Variants in RAB8B observed in about 807,000 individuals in gnomAD.
RAB8B encodes ras-related protein Rab-8B.
A neutral mutation model predicts 32.0 loss-of-function variants in RAB8B; 11 were observed. The ratio of observed to expected loss-of-function variants is 0.34; its 90% CI spans 0.22 to 0.57. The LOEUF (loss-of-function observed/expected upper bound fraction) is 0.57. Among genes scored for constraint, RAB8B ranks in the 20% least tolerant of loss-of-function variants. RAB8B has a pLI of 0.86. For missense variants in RAB8B, 190 were observed against 258.5 expected, an observed-to-expected ratio of 0.73 and a Z score of 1.82; for synonymous variants, 103 against 89.6, an observed-to-expected ratio of 1.15 and a Z score of -0.85.
chr15:63,214,931 A>C (rs1222772798), intron 1 of RAB8B, among the ~76,000 whole-genome samples: 1 of 152,226 alleles, frequency 6.6e-6, no homozygotes, highest in African/African-American at 2.4e-5. Context: ...TGAGTAGGGC[A>C]TCTACAGCTC....
chr15:63,190,325 C>G (rs1274868742), intron 1 of RAB8B, among the ~76,000 whole-genome samples: 7 of 151,870 alleles, frequency 4.6e-5, no homozygotes, highest in South Asian at 2.1e-4. Context: ...GAGGTCTGGA[C>G]TGAGATGTCG....
At chr15:63,238,827 G>T (rs2038006546) in intron 1 of RAB8B, among the ~76,000 whole-genome samples, 1 of 152,150 alleles carries the variant, frequency 6.6e-6, no homozygotes, top group East Asian at 1.9e-4. Flanking sequence ...AATTCCCCGT[G>T]GCAGTGATTA....
In RAB8B at chr15:63,265,890, A is replaced by G. The variant is rs2038242442; in HGVS notation, c.*2271A>G. On this transcript the variant is annotated 3_prime_UTR_variant, in exon 8 of 8. Transcript: ENST00000321437. This position sits in a 1 kb window ranked among gnomAD's most constrained non-coding sequence, Gnocchi z 4.9. Reference sequence around the variant, plus strand: ...GTCTAAAAGTGCTCTTTGAAGTAGCAGCAAATTGGGAGTATATGCTCTGTT... The same window carrying G: ...GTCTAAAAGTGCTCTTTGAAGTAGCGGCAAATTGGGAGTATATGCTCTGTT... The G allele has an allele frequency of 6.6e-6, 1 of 152,566 alleles. No individual in the cohort carries two copies. The allele number at this position is 152,566 out of a possible 1,614,324, so 9.5% of individuals were successfully genotyped here. A position where few individuals can be genotyped will look rare whatever the true frequency, so the allele number is the denominator to read the frequency against.
At chr15:63,222,495 A>G (rs1277361637) in intron 1 of RAB8B, among the ~76,000 whole-genome samples, 3 of 152,186 alleles carry the variant, frequency 2.0e-5, no homozygotes, top group Admixed American at 6.5e-5. Context: ...TGGATCATAT[A>G]TAGGATGGTT....
At chr15:63,221,768 G>A (rs965998771) in intron 1 of RAB8B, among the ~76,000 whole-genome samples, 7 of 152,084 alleles carry the variant, frequency 4.6e-5, no homozygotes, top group African/African-American at 1.7e-4. Flanking sequence ...AATTAATAGT[G>A]GAAATGTCTT....
At chr15:63,237,844 T>C (rs1485579019) in intron 1 of RAB8B, among the ~76,000 whole-genome samples, 1 of 152,216 alleles carries the variant, frequency 6.6e-6, no homozygotes, top group Non-Finnish European at 1.5e-5. Flanking sequence ...CAATGTTTTC[T>C]TTTAGTAGTT....
chr15:63,189,894 C>A, intron 1 of RAB8B, 146 bp downstream of exon 1: 1 of 894,104 alleles, frequency 1.1e-6, no homozygotes. Context: ...GGGGCGAGGG[C>A]GTGAGGGAGA....
At chr15:63,196,950 A>C (rs2037605468) in intron 1 of RAB8B, among the ~76,000 whole-genome samples, 1 of 152,204 alleles carries the variant, frequency 6.6e-6, no homozygotes. Flanking sequence ...CTGGGTTTGC[A>C]TTATAAGAGC....
At chr15:63,246,086 T>C (rs1348647003) in intron 2 of RAB8B, among the ~76,000 whole-genome samples, 2 of 152,206 alleles carry the variant, frequency 1.3e-5, no homozygotes, top group African/African-American at 4.8e-5. Flanking sequence ...GTTAGCCAGC[T>C]GGTCTTGAAC....
At chr15:63,240,506 ACTAAC>A (rs2038023418) in intron 1 of RAB8B, among the ~76,000 whole-genome samples, 2 of 152,118 alleles carry the variant, frequency 1.3e-5, no homozygotes, top group Non-Finnish European at 2.9e-5. Flanking sequence ...ATTAAACTGA[ACTAAC>A]CTACAGTTCA....
Position 63,240,544 on chromosome 15 carries a change from C to A in RAB8B, c.125-4212C>A, listed in dbSNP as rs187480142. On this transcript the variant is annotated intron_variant, in intron 1 of 7. Transcript: ENST00000321437. ...TCAGTGCTTTTCAATGAATTTTTACCTCTTGTAGTGAAATTCTTACTTACT... is the reference window on the plus strand; with the variant it reads ...TCAGTGCTTTTCAATGAATTTTTACATCTTGTAGTGAAATTCTTACTTACT... Among the ~76,000 whole-genome samples the A allele has an allele frequency of 2.4e-4, 36 of 152,060 alleles. 1 individual carries two copies. Among genetic ancestry groups the A allele is most frequent in the Admixed American group, 1.7e-3 (26 of 15,268 alleles).
At chr15:63,195,332 C>T (rs1165993131) in intron 1 of RAB8B, among the ~76,000 whole-genome samples, 1 of 152,126 alleles carries the variant, frequency 6.6e-6, no homozygotes, top group Non-Finnish European at 1.5e-5. Context: ...ATGAAAAAAG[C>T]CTTCCTACAT....
rs1385760610 is a variant in RAB8B at position 63,259,402 on chromosome 15, G to A, written c.415-225G>A. ...CCAAAGTGCGTGAGCCACCATGCCC[G>A]GCCTTAAATTATGTTTGAAATGGAA... On this transcript the variant is annotated intron_variant, in intron 5 of 7. Coordinates refer to ENST00000321437, the MANE Select transcript of RAB8B (RefSeq NM_016530.3). The surrounding 1 kb of genome is among the most constrained non-coding windows in gnomAD (Gnocchi z 4.4). Among the ~76,000 whole-genome samples the A allele has an allele frequency of 6.6e-6, 1 of 152,018 alleles. No homozygotes were observed. Among genetic ancestry groups the A allele is most frequent in the Non-Finnish European group, 1.5e-5 (1 of 67,990 alleles).
intron 1 of RAB8B, among the ~76,000 whole-genome samples, chr15:63,200,355 G>T (rs967574943): frequency 2.6e-5 from 4 of 152,162 alleles, no homozygotes; most frequent in African/African-American, 9.7e-5. Context: ...TAATGTTTTT[G>T]AATCCTATTC....
chr15:63,240,484 G>A lies in RAB8B; in HGVS notation c.125-4272G>A, dbSNP rs574931502. On this transcript the variant is annotated intron_variant, in intron 1 of 7. Transcript: ENST00000321437. ...AGCAGCCTGTTCACAAGTTTTTAGT[G>A]ACAGTTCAGTCATTAAACTGAACTA... 2.6e-5 allele frequency among the ~76,000 whole-genome samples: 4 copies of A among 152,184 alleles called. No individual in the cohort carries two copies. In the South Asian group the frequency reaches 8.3e-4, roughly 32 times the overall value.
At chr15:63,226,056 T>C (rs1485737717) in intron 1 of RAB8B, among the ~76,000 whole-genome samples, 1 of 152,062 alleles carries the variant, frequency 6.6e-6, no homozygotes, top group African/African-American at 2.4e-5. Context: ...CCCAGGCTGG[T>C]CTTGAACTCC....
chr15:63,254,822 G>A (rs1194839893), intron 3 of RAB8B, among the ~76,000 whole-genome samples: 1 of 152,160 alleles, frequency 6.6e-6, no homozygotes, highest in Non-Finnish European at 1.5e-5. Context: ...TGAGGCAGGA[G>A]AATGGCGTGA....
chr15:63,245,325 G>A (rs988372875), intron 2 of RAB8B, among the ~76,000 whole-genome samples: 4 of 152,096 alleles, frequency 2.6e-5, no homozygotes, highest in African/African-American at 9.7e-5. Flanking sequence ...GATATTTTAT[G>A]ATTTATTTGC....
At chr15:63,232,469 G>C (rs1014151457) in intron 1 of RAB8B, among the ~76,000 whole-genome samples, 26 of 152,132 alleles carry the variant, frequency 1.7e-4, no homozygotes, top group African/African-American at 5.1e-4. Context: ...GGTATGATTA[G>C]ATCTTATGGG....
Sources: gnomAD v4.1 joint callset for allele counts (sites outside exome capture counted in the v4.1 genomes callset) on GRCh38, gnomAD v4.1.1 for gene constraint, Gnocchi (gnomAD v3.1) non-coding constraint, MANE v1.5 for transcripts, NCBI Gene and HGNC (gene_info 2026-07-23, HGNC 2026-07-21) for gene names.